Variants in PRKN observed in about 807,000 individuals in gnomAD.
The protein encoded by PRKN is E3 ubiquitin-protein ligase parkin.
PRKN carries 56 observed loss-of-function variants against 59.5 expected under a neutral mutation model. The ratio of observed to expected loss-of-function variants is 0.94; its 90% CI spans 0.76 to 1.18. PRKN has a LOEUF of 1.18. PRKN is among the 50% of genes most tolerant of loss of function. The pLI is 0.00. For missense variants in PRKN, 657 were observed against 596.4 expected, an observed-to-expected ratio of 1.10 and a Z score of -1.06; for synonymous variants, 250 against 222.1, an observed-to-expected ratio of 1.13 and a Z score of -1.12.
At chr6:162,205,517 T>G (rs975275716) in intron 3 of PRKN, among the ~76,000 whole-genome samples, 5 of 152,132 alleles carry the variant, frequency 3.3e-5, no homozygotes, top group African/African-American at 1.2e-4. Context: ...ATAATTTGTT[T>G]TCTAGGTGGG....
intron 6 of PRKN, among the ~76,000 whole-genome samples, chr6:161,907,346 G>T (rs1778188360): frequency 6.6e-6 from 1 of 152,108 alleles, no homozygotes; most frequent in Non-Finnish European, 1.5e-5. Context: ...CGAAAAGAAT[G>T]GGATGCACAA....
At chr6:162,149,380 G>T (rs1302992629) in intron 4 of PRKN, among the ~76,000 whole-genome samples, 4 of 151,962 alleles carry the variant, frequency 2.6e-5, no homozygotes, top group Admixed American at 2.6e-4. Context: ...TAGTAGCTGG[G>T]ACTACAGGTG....
At chr6:161,659,748 C>CTGTGTGA (rs1212277845) in intron 7 of PRKN, among the ~76,000 whole-genome samples, 1 of 152,100 alleles carries the variant, frequency 6.6e-6, no homozygotes, top group Non-Finnish European at 1.5e-5. Flanking sequence ...TCGTCACTGG[C>CTGTGTGA]TGTGTGATCT....
At chr6:161,492,296 G>A (rs900434060) in intron 9 of PRKN, among the ~76,000 whole-genome samples, 4 of 152,168 alleles carry the variant, frequency 2.6e-5, no homozygotes, top group Non-Finnish European at 4.4e-5. Flanking sequence ...TGGGTCTCCT[G>A]GTAGGACAAG....
intron 6 of PRKN, among the ~76,000 whole-genome samples, chr6:161,792,622 G>C (rs1790683256): frequency 6.6e-6 from 1 of 152,226 alleles, no homozygotes; most frequent in African/African-American, 2.4e-5. Flanking sequence ...TTGAGGGAGA[G>C]AGTCTTGCAA....
intron 4 of PRKN, among the ~76,000 whole-genome samples, chr6:162,170,262 A>G (rs1236691553): frequency 6.6e-6 from 1 of 152,200 alleles, no homozygotes; most frequent in Non-Finnish European, 1.5e-5. Context: ...AAAATGTGAG[A>G]GCAATTCACA....
chr6:161,618,398 C>T (rs574804774), intron 7 of PRKN, among the ~76,000 whole-genome samples: 1 of 152,190 alleles, frequency 6.6e-6, no homozygotes, highest in Non-Finnish European at 1.5e-5. Flanking sequence ...TTGAATGCAA[C>T]AGACACTCTC....
At chr6:162,708,745 T>C (rs572404677) in intron 1 of PRKN, among the ~76,000 whole-genome samples, 3 of 152,314 alleles carry the variant, frequency 2.0e-5, no homozygotes, top group Admixed American at 2.0e-4. Flanking sequence ...TGCCCTGACA[T>C]AGAGTCAGAG....
intron 1 of PRKN, among the ~76,000 whole-genome samples, chr6:162,509,384 C>A (rs541938156): frequency 1.3e-5 from 2 of 152,120 alleles, no homozygotes; most frequent in South Asian, 2.1e-4. Context: ...TATATATGAC[C>A]AAATTTGTAT....
chr6:161,854,672 T>A (rs1793573174), intron 6 of PRKN, among the ~76,000 whole-genome samples: 1 of 152,176 alleles, frequency 6.6e-6, no homozygotes, highest in African/African-American at 2.4e-5. Flanking sequence ...TTACTGACAG[T>A]CTTCTAAAAG....
chr6:161,469,575 G>A (rs989554268), intron 9 of PRKN, among the ~76,000 whole-genome samples: 6 of 151,428 alleles, frequency 4.0e-5, no homozygotes, highest in African/African-American at 1.2e-4. Flanking sequence ...GAGAGAGAAA[G>A]AGAGAGAGAA....
intron 1 of PRKN, among the ~76,000 whole-genome samples, chr6:162,591,656 G>A (rs994619543): frequency 2.0e-5 from 3 of 151,862 alleles, no homozygotes; most frequent in African/African-American, 7.3e-5. Context: ...TGGGTGGGAG[G>A]GGGTTCACCT....
chr6:161,536,417 C>T (rs1242729160), intron 9 of PRKN, among the ~76,000 whole-genome samples: 2 of 149,518 alleles, frequency 1.3e-5, no homozygotes, highest in East Asian at 3.9e-4. Flanking sequence ...CTGGTCCACA[C>T]TTGAAAAAAA....
chr6:162,333,385 T>C (rs1783678174), intron 2 of PRKN, among the ~76,000 whole-genome samples: 1 of 152,234 alleles, frequency 6.6e-6, no homozygotes, highest in Admixed American at 6.5e-5. Flanking sequence ...ATCAAGCAAG[T>C]CCACAGGAGA....
At chr6:162,344,459 T>C (rs1784313737) in intron 2 of PRKN, among the ~76,000 whole-genome samples, 1 of 152,014 alleles carries the variant, frequency 6.6e-6, no homozygotes, top group Non-Finnish European at 1.5e-5. Context: ...GCATATGATA[T>C]TAGTTATTAG....
chr6:161,849,229 A>G (rs1793323600), intron 6 of PRKN, among the ~76,000 whole-genome samples: 1 of 152,074 alleles, frequency 6.6e-6, no homozygotes, highest in Admixed American at 6.6e-5. Context: ...GGCACCTCCT[A>G]GTCTGCGTGA....
chr6:161,748,315 T>C (rs936476829), intron 7 of PRKN, among the ~76,000 whole-genome samples: 1 of 152,080 alleles, frequency 6.6e-6, no homozygotes, highest in African/African-American at 2.4e-5. Context: ...CTTTTTTTTT[T>C]CTTTCTCCTT....
chr6:161,501,681 T>C (rs903616706), intron 9 of PRKN, among the ~76,000 whole-genome samples: 1 of 152,310 alleles, frequency 6.6e-6, no homozygotes, highest in Middle Eastern at 3.4e-3. Context: ...CTGTCTCTCT[T>C]CTGCTTTGTA....
rs115570867 is a variant in PRKN, at chr6:161,769,179, A to C, written c.871+16593T>G. On this transcript the variant is annotated intron_variant, in intron 7 of 11. Transcript: ENST00000366898. ...TAAGATTTTTACTTTTCAACTATACAACTTCAATTAAACCTACATCGCAGC... is the reference window on the plus strand; with the variant it reads ...TAAGATTTTTACTTTTCAACTATACCACTTCAATTAAACCTACATCGCAGC... Among the ~76,000 whole-genome samples the C allele has an allele frequency of 9.8e-3, 1,489 of 152,354 alleles. 30 individuals are homozygous for C. Among genetic ancestry groups the C allele is most frequent in the South Asian group, 0.037 (180 of 4,830 alleles).
Sources: gnomAD v4.1 joint callset for allele counts (sites outside exome capture counted in the v4.1 genomes callset) on GRCh38, gnomAD v4.1.1 for gene constraint, MANE v1.5 for transcripts, NCBI Gene and HGNC (gene_info 2026-07-23, HGNC 2026-07-21) for gene names.